MGAM: variants seen among roughly 807,000 people sequenced by gnomAD.
MGAM encodes alpha-1,4-glucosidase.
In MGAM, 253 loss-of-function variants were observed where a neutral mutation model predicts 358.8. That is an observed-to-expected ratio of 0.71 (90% confidence interval 0.64 to 0.78). The LOEUF is 0.78. Ranked by LOEUF, MGAM falls within the 30% of genes least tolerant of loss-of-function variation. The pLI is 0.00. For synonymous variants in MGAM, 1,105 were observed against 1,227.1 expected, an observed-to-expected ratio of 0.90 and a Z score of 2.08; for missense variants, 3,080 against 3,432.6, an observed-to-expected ratio of 0.90 and a Z score of 2.57.
At position 142,044,036 on chromosome 7, in the gene MGAM, C is replaced by T. The variant is rs1188781317; in HGVS notation, c.2498+3190C>T. Among the ~76,000 whole-genome samples the T allele has an allele frequency of 1.1e-4, 15 of 132,548 alleles. 1 individual carries two copies. Among genetic ancestry groups the T allele is most frequent in the South Asian group, 4.5e-4 (2 of 4,456 alleles). 87.0% of individuals were successfully genotyped at this position (132,548 alleles called of 152,430 possible). A position where few individuals can be genotyped will look rare whatever the true frequency, so the allele number is the denominator to read the frequency against. On this transcript the variant is annotated intron_variant, in intron 21 of 70. Transcript: ENST00000475668. ...ATATATACATTATATACACATACGACGTATAATATATACATTATATACACA... is the reference window on the plus strand; with the variant it reads ...ATATATACATTATATACACATACGATGTATAATATATACATTATATACACA...
intron 2 of MGAM, among the ~76,000 whole-genome samples, chr7:141,989,166 T>C (rs1554446810): frequency 6.6e-6 from 1 of 151,464 alleles, no homozygotes; most frequent in African/African-American, 2.4e-5. Context: ...GAGAGTCTTG[T>C]AGTAGTGGTT....
At chr7:142,013,468 T>A (rs1375746365) in intron 3 of MGAM, among the ~76,000 whole-genome samples, 3 of 152,160 alleles carry the variant, frequency 2.0e-5, no homozygotes, top group Non-Finnish European at 2.9e-5. Context: ...TCTTTTTTTT[T>A]AAATCTTAGA....
At chr7:141,990,621 T>G (rs1257112958) in intron 2 of MGAM, among the ~76,000 whole-genome samples, 11 of 152,178 alleles carry the variant, frequency 7.2e-5, no homozygotes, top group Admixed American at 3.9e-4. Context: ...CTCTGTGTCT[T>G]TTTACTGCAG....
At chr7:142,045,988 A>T (rs1173389820) in intron 21 of MGAM, among the ~76,000 whole-genome samples, 1 of 135,460 alleles carries the variant, frequency 7.4e-6, no homozygotes, top group Non-Finnish European at 1.5e-5. Flanking sequence ...TATTATGTAT[A>T]CATACAATAT....
intron 21 of MGAM, among the ~76,000 whole-genome samples, chr7:142,042,619 A>G (rs1184727693): frequency 7.0e-5 from 1 of 14,382 alleles, no homozygotes; most frequent in Admixed American, 2.0e-3. Flanking sequence ...AATATATATT[A>G]TATATACATA....
At chr7:142,097,085 G>T (rs34025802) in intron 65 of MGAM, among the ~76,000 whole-genome samples, 38,039 of 150,952 alleles carry the variant, frequency 0.25, 5,643 homozygotes, top group Non-Finnish European at 0.33. Flanking sequence ...CGTGCCACCA[G>T]GCCCGGCCAA....
intron 46 of MGAM, 37 bp from the exon 47 acceptor site, chr7:142,076,622 A>C: frequency 1.2e-5 from 17 of 1,450,450 alleles, no homozygotes; most frequent in Non-Finnish European, 1.6e-5. Context: ...TATTACAGGC[A>C]TACCTTTATG....
chr7:142,067,955 T>TAAAA (rs1238848793), intron 42 of MGAM, among the ~76,000 whole-genome samples: 3 of 37,306 alleles, frequency 8.0e-5, no homozygotes, highest in African/African-American at 2.2e-4. Context: ...TATATATATA[T>TAAAA]ATATATATAA....
Position 142,096,134 on chromosome 7 carries a change from C to A in MGAM, c.7608-197C>A, listed in dbSNP as rs1008689962. 3 of 630,460 alleles carry A rather than the reference C, an allele frequency of 4.8e-6. No homozygotes were observed. The African/African-American group carries it at 5.5e-5, about 12-fold the overall frequency. 39.1% of individuals were successfully genotyped at this position (630,460 alleles called of 1,614,324 possible). On this transcript the variant is annotated intron_variant, in intron 64 of 70. Transcript: ENST00000475668. ...AAGAGAGAATACATCTACATCCCAG[C>A]ATTTCTGAAGTTTGAGGCACATCCC... is the stretch of plus-strand genomic sequence containing the variant.
At chr7:142,090,788 A>T (rs1815310191) in intron 57 of MGAM, among the ~76,000 whole-genome samples, 1 of 146,650 alleles carries the variant, frequency 6.8e-6, no homozygotes, top group African/African-American at 2.4e-5. Context: ...AATGTTCCGT[A>T]ACAAGCAACA....
At chr7:142,076,112 A>G in intron 45 of MGAM, 91 bp from the exon 46 acceptor site, 1 of 1,007,994 alleles carries the variant, frequency 9.9e-7, no homozygotes, top group Non-Finnish European at 1.6e-6. Context: ...CATTTGTGAC[A>G]TCAGGATGTA....
rs770239289 is a variant in MGAM, at chr7:142,059,520, A to G, written c.3868A>G (p.Thr1290Ala). 1.9e-6 allele frequency: 3 copies of G among 1,612,638 alleles called. No homozygotes were observed. The highest frequency in any genetic ancestry group is 3.3e-5 in the Admixed American group (2 of 59,970). ...IDYMERQLDF[T>A]LSPKFAGFPA... ...CTACATGGAGCGGCAGCTGGACTTC[A>G]CCCTCAGCCCCAAGTTTGCTGGGTT... The change falls in exon 32 of 71, where the codon ACC becomes GCC. Residue 1290 changes from threonine to alanine, a missense_variant. By Grantham distance (58) the Thr-to-Ala change is moderately conservative. Transcript: ENST00000475668.
intron 69 of MGAM, 78 bp downstream of exon 69, chr7:142,102,757 A>G: frequency 7.5e-7 from 1 of 1,334,112 alleles, no homozygotes. Context: ...GGCATAAAAT[A>G]CCACCTAGAA....
rs549845372 is a variant in MGAM at position 142,044,444 on chromosome 7, A to T, written c.2499-3341A>T. ...ATATACACATACGATATATATAATG[A>T]ATATTATATACACATACGATATATG... On this transcript the variant is annotated intron_variant, in intron 21 of 70. Transcript: ENST00000475668. 7.0e-4 allele frequency among the ~76,000 whole-genome samples: 88 copies of T among 125,364 alleles called. 7 individuals carry two copies. The highest frequency in any genetic ancestry group is 8.9e-4 in the Admixed American group (10 of 11,284). 82.2% of individuals were successfully genotyped at this position (125,364 alleles called of 152,430 possible).
In MGAM at chr7:142,079,024, A is replaced by C. The variant is rs774754419; in HGVS notation, c.5847+16A>C. 1 of 1,534,742 alleles carries C rather than the reference A, an allele frequency of 6.5e-7. No individual in the cohort carries two copies. The highest frequency in any genetic ancestry group is 9.0e-7 in the Non-Finnish European group (1 of 1,115,258). ...ACAGTTCAAGGTAAACACGGTACAT[A>C]TATCAGGCAGTGATAAGACCCTTTT... On this transcript the variant is annotated intron_variant, in intron 49 of 70. Transcript: ENST00000475668.
In MGAM at chr7:142,056,079, T is replaced by C. The variant is rs1223365850; in HGVS notation, c.3563T>C (p.Leu1188Pro). ...GGCAGTGCCCATGGAGTGCTCCTGC[T>C]GAACAGCAATGCCATGGGTAAGGCC... ...EDGSAHGVLL[L>P]NSNAMDVTFQ... Residue 1188 changes from leucine to proline, a missense_variant, in exon 29 of 71, where the codon CTG (leucine) becomes CCG (proline). Around this residue, in one of 5 missense-constraint regions of MGAM, gnomAD observed 1,816 missense variants for 1,840.5 expected, o/e 0.99. Transcript: ENST00000475668. The C allele has an allele frequency of 6.2e-7, 1 of 1,607,848 alleles. No homozygotes were observed. Among genetic ancestry groups the C allele is most frequent in the Non-Finnish European group, 8.5e-7 (1 of 1,177,272 alleles).
At position 142,094,261 on chromosome 7, in the gene MGAM, C is replaced by T. The variant is rs990753234; in HGVS notation, c.7173-103C>T. Reference sequence around the variant, plus strand: ...CAGAGTCCCGTGTTCCCTCCAATCACGCAGCAAACATTGACTAGGCTCAAG... The same window carrying T: ...CAGAGTCCCGTGTTCCCTCCAATCATGCAGCAAACATTGACTAGGCTCAAG... On this transcript the variant is annotated intron_variant, in intron 60 of 70. Transcript: ENST00000475668. 1.5e-4 allele frequency: 201 copies of T among 1,333,820 alleles called. 25 individuals carry two copies. Among genetic ancestry groups the T allele is most frequent in the South Asian group, 7.1e-4 (54 of 75,864 alleles). The allele number at this position is 1,333,820 out of a possible 1,614,324, so 82.6% of individuals were successfully genotyped here. A position where few individuals can be genotyped will look rare whatever the true frequency, so the allele number is the denominator to read the frequency against.
chr7:142,049,384 G>T (rs1037163865), intron 22 of MGAM, among the ~76,000 whole-genome samples: 3 of 152,122 alleles, frequency 2.0e-5, no homozygotes, highest in Non-Finnish European at 4.4e-5. Context: ...CTTGACATTA[G>T]TCTTGGCAAT....
intron 14 of MGAM, 93 bp from the exon 15 acceptor site, chr7:142,034,169 C>G (rs1807758651): frequency 8.3e-6 from 7 of 848,104 alleles, no homozygotes; most frequent in Admixed American, 4.7e-5. Context: ...ACAAAAGTGC[C>G]TGCCCAGGGG....
Sources: allele counts gnomAD v4.1 joint callset (sites outside exome capture counted in the v4.1 genomes callset), GRCh38; gene constraint gnomAD v4.1.1; regional missense constraint gnomAD v4.1.1; transcripts MANE v1.5; gene names NCBI Gene and HGNC (gene_info 2026-07-23, HGNC 2026-07-21).